KIF7: variants seen among roughly 807,000 people sequenced by gnomAD.
KIF7 encodes kinesin family member 7.
KIF7 carries 104 observed loss-of-function variants against 135.7 expected under a neutral mutation model. That is an observed-to-expected ratio of 0.77 (90% CI 0.65 to 0.90). The LOEUF (loss-of-function observed/expected upper bound fraction) is 0.90, where lower values mean the gene tolerates loss of function less well. Ranked by LOEUF, KIF7 falls within the 40% of genes least tolerant of loss-of-function variation. KIF7 has a pLI of 0.00. For synonymous variants in KIF7, 883 were observed against 809.4 expected, an observed-to-expected ratio of 1.09 and a Z score of -1.54; for missense variants, 2,005 against 1,839.1, an observed-to-expected ratio of 1.09 and a Z score of -1.65.
chr15:89,646,076 C>A (rs763513510), intron 7 of KIF7, 50 bp from the exon 8 acceptor site: 1 of 1,609,102 alleles, frequency 6.2e-7, no homozygotes, highest in Non-Finnish European at 8.5e-7. Context: ...CTGCGATATA[C>A]CCCACCTTGC....
At position 89,645,202 on chromosome 15, in the gene KIF7, T is replaced by G. The variant is rs201693002; in HGVS notation, c.2039-37A>C. 1.5e-4 allele frequency: 245 copies of G among 1,605,908 alleles called. No individual in the cohort carries two copies. In the African/African-American group the frequency reaches 3.0e-3, roughly 20 times the overall value. On this transcript the variant is annotated intron_variant, in intron 9 of 18. Transcript: ENST00000394412. ...AGCCTGTCAAGGTTGCTGCCCCAAC[T>G]GACAGTGGGGGAGACAGAGGAGTGG...
In KIF7 at chr15:89,637,802, C is replaced by G. The variant is rs1963840556; in HGVS notation, c.2395-3919G>C. The stretch of plus-strand genomic sequence containing the variant: ...TCCAATCAATAGAAAAAGAGGGAAT[C>G]CTCCCTAACTCATTTTATGAGGCCA... On this transcript the variant is annotated intron_variant, in intron 11 of 18. Transcript: ENST00000394412. Among the ~76,000 whole-genome samples the G allele has an allele frequency of 2.1e-5, 3 of 141,020 alleles. No homozygotes were observed. The South Asian group carries it at 7.5e-4, about 35-fold the overall frequency. The allele number at this position is 141,020 out of a possible 152,430, so 92.5% of individuals were successfully genotyped here. A position where few individuals can be genotyped will look rare whatever the true frequency, so the allele number is the denominator to read the frequency against.
At chr15:89,645,824 A>T in intron 8 of KIF7, 69 bp downstream of exon 8, 1 of 1,573,848 alleles carries the variant, frequency 6.4e-7, no homozygotes, top group Non-Finnish European at 8.6e-7. Context: ...AGACGGTGCG[A>T]TCCCCAGCCT....
chr15:89,662,029 A>G, the KIF7 span, among the ~76,000 whole-genome samples: 4 of 152,190 alleles, frequency 2.6e-5, no homozygotes, highest in African/African-American at 9.6e-5. Flanking sequence ...CCACCTAATC[A>G]ACATTTAAAT....
intron 4 of KIF7, 40 bp from the exon 5 acceptor site, chr15:89,648,814 T>TCCAGGC: frequency 6.6e-7 from 1 of 1,510,332 alleles, no homozygotes; most frequent in Non-Finnish European, 8.8e-7. Context: ...GCCCCGACGC[T>TCCAGGC]CCAGGCCCAG....
chr15:89,632,780 TGGACCTCACCTGGCA>T, intron 14 of KIF7, 25 bp downstream of exon 14: 2 of 1,586,614 alleles, frequency 1.3e-6, no homozygotes, highest in Non-Finnish European at 1.7e-6. Context: ...CTCACTTCAC[TGGACCTCACCTGGCA>T]GGATCTCTCC....
chr15:89,623,590 T>G, downstream of KIF7: 1 of 1,568,712 alleles, frequency 6.4e-7, no homozygotes, highest in South Asian at 1.2e-5. Context: ...AGTTATAATA[T>G]TCAAGGACTG....
chr15:89,648,400 G>A lies in KIF7; in HGVS notation c.1298C>T (p.Pro433Leu), dbSNP rs1297621505. ...GCGCACCTTGCGGGCGGCGGCGCCG[G>A]GCAGCCCGGGCTCGGCCTGCAGCTC... ...LRELQAEPGL[P>L]GAAARKVRDW... The change falls in exon 5 of 19, where the codon CCC becomes CTC. Residue 433 changes from proline (P) to leucine (L), a missense_variant. Pro to Leu is a moderately conservative substitution (Grantham distance 98). Transcript: ENST00000394412. The A allele has an allele frequency of 5.2e-6, 6 of 1,151,708 alleles. No homozygotes were observed. In the Admixed American group the frequency reaches 2.5e-4, roughly 47 times the overall value. The allele number at this position is 1,151,708 out of a possible 1,614,324, so 71.3% of individuals were successfully genotyped here. A position where few individuals can be genotyped will look rare whatever the true frequency, so the allele number is the denominator to read the frequency against.
downstream of KIF7, chr15:89,627,395 C>T (rs576316964): frequency 8.4e-5 from 29 of 343,486 alleles, 1 homozygote; most frequent in South Asian, 1.7e-3. Flanking sequence ...CTTGGCAAGT[C>T]AGGGGGCCAC....
chr15:89,619,824 T>G (rs1438427269), intron 1 of KIF7: 14 of 1,612,526 alleles, frequency 8.7e-6, no homozygotes, highest in Non-Finnish European at 1.2e-5. Context: ...AGTCCACTCT[T>G]TCCAGCAAGA....
rs929788182 is a variant in KIF7, at chr15:89,642,229, C to A, written c.2368G>T (p.Val790Phe). Residue 790 changes from valine (V) to phenylalanine (F), a missense_variant, in exon 11 of 19, where the codon GTC (valine) becomes TTC (phenylalanine). Physicochemically the swap from Val to Phe is conservative, Grantham distance 50 (BLOSUM62 -1). Transcript: ENST00000394412. ...TGCACCTGGCTCTGGGCCGCAGCGA[C>A]CCTCCTGCGGAACTCCTGGAGCCGA... ...RSRLQEFRRR[V>F]AAAQSQVQVL... 7 of 1,610,450 alleles carry A rather than the reference C, an allele frequency of 4.3e-6. No homozygotes were observed. The highest frequency in any genetic ancestry group is 4.0e-5 in the African/African-American group (3 of 74,878).
downstream of KIF7, chr15:89,625,259 C>A: frequency 6.2e-7 from 1 of 1,613,300 alleles, no homozygotes; most frequent in Non-Finnish European, 8.5e-7. Flanking sequence ...TGTACCCCCA[C>A]CCACGGCCCT....
At chr15:89,637,299 A>T (rs1165970313) in intron 11 of KIF7, among the ~76,000 whole-genome samples, 2 of 142,190 alleles carry the variant, frequency 1.4e-5, no homozygotes, top group Non-Finnish European at 3.1e-5. Context: ...CACATTCAAA[A>T]GCTAGCAGAA....
At chr15:89,629,985 T>C (rs983691355) in intron 16 of KIF7, 20 of 529,220 alleles carry the variant, frequency 3.8e-5, no homozygotes, top group Non-Finnish European at 6.8e-5. Flanking sequence ...ACCAAAAGTA[T>C]CTCCAGCCAT....
At chr15:89,645,240 G>T in intron 9 of KIF7, 75 bp from the exon 10 acceptor site, 1 of 1,600,280 alleles carries the variant, frequency 6.2e-7, no homozygotes, top group Non-Finnish European at 8.5e-7. Context: ...AGCAGGGGCT[G>T]CCAGGGATGG....
At chr15:89,625,119 T>C, downstream of KIF7, 1 of 1,613,972 alleles carries the variant, frequency 6.2e-7, no homozygotes, top group South Asian at 1.1e-5. Flanking sequence ...GCTTCCTCCC[T>C]GCTCTCAGCA....
Position 89,649,212 on chromosome 15 carries a change from C to G in KIF7, c.685G>C (p.Gly229Arg), listed in dbSNP as rs1245789833. 1.3e-6 allele frequency: 2 copies of G among 1,546,326 alleles called. No individual in the cohort carries two copies. Among genetic ancestry groups the G allele is most frequent in the African/African-American group, 2.7e-5 (2 of 73,070 alleles). Residue 229 changes from glycine to arginine, a missense_variant, in exon 4 of 19, where the codon GGG becomes CGG. Coordinates refer to ENST00000394412, the MANE Select transcript of KIF7 (RefSeq NM_198525.3). ...CGGGGTAGGCGGCTGGGGGCGCGCC[C>G]CCGCTGCTCCAGGGTCACGGTGAAG... ...TVFTVTLEQR[G>R]RAPSRLPRPA...
chr15:89,620,677 CTTCT>C (rs1487891340), intron 1 of KIF7, among the ~76,000 whole-genome samples: 2 of 151,970 alleles, frequency 1.3e-5, no homozygotes, highest in African/African-American at 4.8e-5. Context: ...AAATTGTTGC[CTTCT>C]TTCTTTTATG....
chr15:89,622,840 C>A (rs1237787320), intron 1 of KIF7, among the ~76,000 whole-genome samples: 1 of 152,200 alleles, frequency 6.6e-6, no homozygotes, highest in Non-Finnish European at 1.5e-5. Flanking sequence ...TTTGCCTTCC[C>A]CTGCCGACAC....
Sources: gnomAD v4.1 joint callset for allele counts (sites outside exome capture counted in the v4.1 genomes callset) on GRCh38, gnomAD v4.1.1 for gene constraint, MANE v1.5 for transcripts, NCBI Gene and HGNC (gene_info 2026-07-23, HGNC 2026-07-21) for gene names.